Variants in ST3GAL5 observed in about 807,000 individuals in gnomAD.
ST3GAL5 encodes ST3 beta-galactoside alpha-2,3-sialyltransferase 5, also known as lactosylceramide alpha-2,3-sialyltransferase.
Under a neutral mutation model 46.1 loss-of-function variants are expected in ST3GAL5, and 25 were observed. The ratio of observed to expected loss-of-function variants is 0.54; its 90% CI spans 0.40 to 0.76. The LOEUF is 0.76. ST3GAL5 is among the 30% of genes least tolerant of loss of function. The pLI is 0.00. For missense variants in ST3GAL5, 431 were observed against 521.2 expected, an observed-to-expected ratio of 0.83 and a Z score of 1.69; for synonymous variants, 182 against 192.7, an observed-to-expected ratio of 0.94 and a Z score of 0.46.
intron 1 of ST3GAL5, chr2:85,867,823 G>GT (rs1685450566): frequency 1.6e-6 from 1 of 633,680 alleles, no homozygotes; most frequent in East Asian, 2.8e-5. Flanking sequence ...AAGATTTACA[G>GT]TAAGTATATG....
In ST3GAL5 at chr2:85,848,097, G is replaced by C. The variant is rs775530516; in HGVS notation, c.426C>G (p.Leu142=). 1.4e-5 allele frequency: 23 copies of C among 1,614,164 alleles called. No individual in the cohort carries two copies. The South Asian group carries it at 2.1e-4, about 15-fold the overall frequency. ...CTTTGGGGGCCTTCTGCACAAAAGGGAGTAAGTCCACGCTATACCTGTGCT... is the reference window on the plus strand; with the variant it reads ...CTTTGGGGGCCTTCTGCACAAAAGGCAGTAAGTCCACGCTATACCTGTGCT... ...LFEHRYSVDL[L]PFVQKAPKDS... is the part of the protein sequence containing the mutation. The change falls in exon 4 of 7, where the codon CTC becomes CTG. Residue 142 remains leucine, a synonymous_variant. Transcript: ENST00000638572.
intron 5 of ST3GAL5, chr2:85,845,413 T>C (rs1682664980): frequency 6.6e-6 from 1 of 152,256 alleles, no homozygotes; most frequent in South Asian, 2.1e-4. Context: ...TTTCTGGAAC[T>C]AGCCAAAAGC....
At chr2:85,869,772 T>G (rs1573678078) in intron 1 of ST3GAL5, among the ~76,000 whole-genome samples, 1 of 152,308 alleles carries the variant, frequency 6.6e-6, no homozygotes, top group Middle Eastern at 3.4e-3. Flanking sequence ...GAAGCCTCAC[T>G]GGGCTTCCAA....
chr2:85,868,846 T>C (rs1424598402), intron 1 of ST3GAL5, among the ~76,000 whole-genome samples: 1 of 152,160 alleles, frequency 6.6e-6, no homozygotes, highest in African/African-American at 2.4e-5. Flanking sequence ...CTCAAACTCC[T>C]GACCTCAGGT....
chr2:85,841,761 C>T (rs947752822), intron 6 of ST3GAL5, among the ~76,000 whole-genome samples: 1 of 152,208 alleles, frequency 6.6e-6, no homozygotes. Flanking sequence ...TCCCCACTCC[C>T]TCCTCATGTC....
intron 3 of ST3GAL5, chr2:85,848,640 T>C (rs1000124560): frequency 2.1e-5 from 7 of 336,018 alleles, no homozygotes; most frequent in African/African-American, 1.5e-4. Flanking sequence ...CTGACTTATA[T>C]GAGGTATCTA....
chr2:85,852,696 T>C (rs1300086475), intron 3 of ST3GAL5, among the ~76,000 whole-genome samples: 3 of 151,956 alleles, frequency 2.0e-5, no homozygotes, highest in Non-Finnish European at 4.4e-5. Flanking sequence ...CATCAAACAA[T>C]GGGCTTCAAA....
chr2:85,869,700 G>A (rs1224878535), intron 1 of ST3GAL5, among the ~76,000 whole-genome samples: 1 of 152,198 alleles, frequency 6.6e-6, no homozygotes, highest in African/African-American at 2.4e-5. Context: ...AATAAAGGAT[G>A]TCAGCACTCA....
chr2:85,863,515 G>A (rs1289983786), intron 1 of ST3GAL5, 30 bp from the exon 2 acceptor site: 1 of 1,612,822 alleles, frequency 6.2e-7, no homozygotes, highest in Non-Finnish European at 8.5e-7. Context: ...GGGCAGTGGG[G>A]AAAAAGAGAG....
intron 1 of ST3GAL5, among the ~76,000 whole-genome samples, chr2:85,864,074 T>C (rs768844959): frequency 7.2e-5 from 11 of 152,024 alleles, no homozygotes; most frequent in Non-Finnish European, 1.2e-4. Context: ...TCAGGGGTTG[T>C]GGAAGGGGAG....
intron 6 of ST3GAL5, among the ~76,000 whole-genome samples, chr2:85,841,730 C>T (rs937015708): frequency 1.3e-5 from 2 of 152,182 alleles, no homozygotes; most frequent in Non-Finnish European, 2.9e-5. Context: ...ATTGTCTAAA[C>T]CTTTCTAGAT....
Position 85,848,061 on chromosome 2 carries a change from A to T in ST3GAL5, c.462T>A (p.Ala154=). Residue 154 remains alanine (A), a synonymous_variant, in exon 4 of 7, where the codon GCT becomes GCA. Transcript: ENST00000638572. ...CAAAAGGAGGATCGTACTTGGACTC[A>T]GCTTCACTGTCTTTGGGGGCCTTCT... ...FVQKAPKDSE[A]ESKYDPPFGF... is the part of the protein sequence containing the mutation. 6.2e-7 allele frequency: 1 copy of T among 1,614,200 alleles called. No individual in the cohort carries two copies. Among genetic ancestry groups the T allele is most frequent in the South Asian group, 1.1e-5 (1 of 91,086 alleles).
At chr2:85,886,642 C>T (rs1573739296) in intron 1 of ST3GAL5, among the ~76,000 whole-genome samples, 1 of 152,098 alleles carries the variant, frequency 6.6e-6, no homozygotes, top group Non-Finnish European at 1.5e-5. Context: ...TCTCCTGCTC[C>T]CTTACGCATT....
chr2:85,853,216 G>GA, intron 3 of ST3GAL5: 2 of 532,554 alleles, frequency 3.8e-6, no homozygotes, highest in Non-Finnish European at 6.1e-6. Context: ...TTTCACATCT[G>GA]AACCACACTT....
At position 85,837,950 on chromosome 2, in the gene ST3GAL5, CTGT is replaced by C. The variant is rs1681628088; in HGVS notation, c.*2191_*2193del. ...ACACCCAGAGGCACCTAGCAAAGGT[CTGT>C]TTTCAGAAGAGTGTGTGTGGGGTGG... On this transcript the variant is annotated 3_prime_UTR_variant, in exon 7 of 7. Coordinates refer to ENST00000638572, the MANE Select transcript of ST3GAL5 (RefSeq NM_003896.4). 6.6e-6 allele frequency: 1 copy of C among 152,254 alleles called. No homozygotes were observed. The highest frequency in any genetic ancestry group is 3.4e-3 in the Middle Eastern group (1 of 292). The allele number at this position is 152,254 out of a possible 1,614,324, so 9.4% of individuals were successfully genotyped here. A position where few individuals can be genotyped will look rare whatever the true frequency, so the allele number is the denominator to read the frequency against.
chr2:85,868,039 A>T (rs939858359), intron 1 of ST3GAL5: 3 of 229,322 alleles, frequency 1.3e-5, no homozygotes, highest in African/African-American at 2.2e-5. Flanking sequence ...GTCCCTCAAC[A>T]TCACAAGAGA....
At chr2:85,855,603 C>T (rs1225872399) in intron 3 of ST3GAL5, 2 of 152,082 alleles carry the variant, frequency 1.3e-5, no homozygotes. Flanking sequence ...AATTGGGTTT[C>T]ATCAGAATTA....
Position 85,839,957 on chromosome 2 carries a change from A to G in ST3GAL5, c.*187T>C, listed in dbSNP as rs538780866. Reference sequence around the variant, plus strand: ...TTTACAAAATGGTGTGCAAAAACAAACACTGACCTCAAATAAATAGGAAAA... The same window carrying G: ...TTTACAAAATGGTGTGCAAAAACAAGCACTGACCTCAAATAAATAGGAAAA... On this transcript the variant is annotated 3_prime_UTR_variant, in exon 7 of 7. Transcript: ENST00000638572. The G allele has an allele frequency of 2.6e-5, 19 of 735,202 alleles. No homozygotes were observed. The highest frequency in any genetic ancestry group is 3.9e-5 in the Non-Finnish European group (18 of 457,070). 45.5% of individuals were successfully genotyped at this position (735,202 alleles called of 1,614,324 possible). A position where few individuals can be genotyped will look rare whatever the true frequency, so the allele number is the denominator to read the frequency against.
chr2:85,847,626 A>G, intron 4 of ST3GAL5: 1 of 1,275,032 alleles, frequency 7.8e-7, no homozygotes, highest in Non-Finnish European at 1.0e-6. Context: ...GAGAAACCCC[A>G]TCTCTACTAA....
Sources: allele counts gnomAD v4.1 joint callset (sites outside exome capture counted in the v4.1 genomes callset), GRCh38; gene constraint gnomAD v4.1.1; transcripts MANE v1.5; gene names NCBI Gene and HGNC (gene_info 2026-07-23, HGNC 2026-07-21).